Variants in CSMD3 observed in about 807,000 individuals in gnomAD.
CSMD3 encodes the protein CUB and sushi domain-containing protein 3.
Under a neutral mutation model 435.2 loss-of-function variants are expected in CSMD3, and 177 were observed. The observed-to-expected ratio is 0.41, with a 90% CI of 0.36 to 0.46. The LOEUF is 0.46. CSMD3 is among the 20% of genes least tolerant of loss of function. CSMD3 has a pLI of 0.34. For synonymous variants in CSMD3, 1,656 were observed against 1,520.5 expected (o/e 1.09, Z -2.07); for missense variants, 4,265 against 4,504.6 (o/e 0.95, Z 1.52).
intron 12 of CSMD3, among the ~76,000 whole-genome samples, chr8:112,811,425 A>G (rs1395077624): frequency 2.0e-5 from 3 of 152,066 alleles, no homozygotes; most frequent in Non-Finnish European, 2.9e-5. Context: ...TACAAGTTTT[A>G]CATTCTAAGA....
At chr8:113,168,484 G>A (rs2092199750) in intron 4 of CSMD3, among the ~76,000 whole-genome samples, 1 of 115,392 alleles carries the variant, frequency 8.7e-6, no homozygotes, top group South Asian at 3.0e-4. Flanking sequence ...TCGTGCCACT[G>A]CACTCCAGCC....
At chr8:113,394,358 T>C (rs1038544052) in intron 1 of CSMD3, among the ~76,000 whole-genome samples, 1 of 152,124 alleles carries the variant, frequency 6.6e-6, no homozygotes, top group African/African-American at 2.4e-5. Flanking sequence ...TTCATAGAAA[T>C]TCTTTTTTAC....
chr8:112,463,940 T>C (rs911962359), intron 32 of CSMD3, among the ~76,000 whole-genome samples: 2 of 152,110 alleles, frequency 1.3e-5, no homozygotes, highest in East Asian at 1.9e-4. Flanking sequence ...TAAAACCCTA[T>C]AAAATGCCTT....
In CSMD3 at chr8:112,457,503, T is replaced by C. The variant is rs1015801510; in HGVS notation, c.5395+15088A>G. On this transcript the variant is annotated intron_variant, in intron 32 of 70. Transcript: ENST00000297405. The stretch of plus-strand genomic sequence containing the variant: ...TCAGTTAATTCTACGGAGAAATGTC[T>C]TTTAAAGCTCTTATATGAAATGATA... Among the ~76,000 whole-genome samples the C allele has an allele frequency of 6.6e-5, 10 of 152,252 alleles. No homozygotes were observed. In the East Asian group the frequency reaches 1.2e-3, roughly 18 times the overall value.
chr8:113,091,215 T>A (rs1401929189), intron 5 of CSMD3, among the ~76,000 whole-genome samples: 2 of 152,008 alleles, frequency 1.3e-5, no homozygotes, highest in Non-Finnish European at 1.5e-5. Context: ...AGTGTCAAAG[T>A]TGTAGGGGCT....
chr8:113,118,044 G>A (rs772922522), intron 4 of CSMD3, among the ~76,000 whole-genome samples: 21 of 152,064 alleles, frequency 1.4e-4, no homozygotes, highest in Non-Finnish European at 1.8e-4. Flanking sequence ...TTGTAGCTTC[G>A]TCCCCAAGTT....
chr8:112,412,219 T>C (rs908720571), intron 32 of CSMD3, among the ~76,000 whole-genome samples: 3 of 152,114 alleles, frequency 2.0e-5, no homozygotes, highest in Admixed American at 6.6e-5. Flanking sequence ...AGAGTCATAA[T>C]TATGCTCTTT....
intron 13 of CSMD3, among the ~76,000 whole-genome samples, chr8:112,710,050 A>G (rs1238922362): frequency 1.3e-5 from 2 of 152,146 alleles, no homozygotes; most frequent in East Asian, 3.9e-4. Flanking sequence ...ACCATCTAGG[A>G]AGACAGCACT....
intron 13 of CSMD3, among the ~76,000 whole-genome samples, chr8:112,754,862 C>T (rs1212273207): frequency 1.3e-5 from 2 of 152,176 alleles, no homozygotes; most frequent in African/African-American, 4.8e-5. Context: ...GAAATTGATA[C>T]TGAACTCTAT....
intron 13 of CSMD3, among the ~76,000 whole-genome samples, chr8:112,797,343 C>CT (rs1465096953): frequency 6.6e-6 from 1 of 151,796 alleles, no homozygotes; most frequent in Non-Finnish European, 1.5e-5. Flanking sequence ...AGCTTTTAAT[C>CT]TTTTTTCTAT....
At chr8:113,112,146 G>A (rs537305704) in intron 4 of CSMD3, among the ~76,000 whole-genome samples, 23 of 151,178 alleles carry the variant, frequency 1.5e-4, no homozygotes, top group Admixed American at 8.6e-4. Context: ...ACATTTTTTC[G>A]CTCAGCTGGA....
intron 2 of CSMD3, among the ~76,000 whole-genome samples, chr8:113,300,807 T>C (rs1267788393): frequency 6.6e-6 from 1 of 152,058 alleles, no homozygotes; most frequent in Non-Finnish European, 1.5e-5. Flanking sequence ...ACCCATGTAA[T>C]GACCCTGCAC....
chr8:113,149,744 T>A (rs779026436), intron 4 of CSMD3, among the ~76,000 whole-genome samples: 12 of 152,008 alleles, frequency 7.9e-5, no homozygotes, highest in Non-Finnish European at 1.6e-4. Flanking sequence ...TGGTAATAAC[T>A]TGAGTTTTCA....
intron 22 of CSMD3, among the ~76,000 whole-genome samples, chr8:112,612,573 G>T (rs1364898393): frequency 2.0e-5 from 3 of 152,026 alleles, no homozygotes; most frequent in Admixed American, 6.6e-5. Flanking sequence ...TTCTAAAGTA[G>T]ATAAGCTGTG....
chr8:112,627,574 T>C (rs1475691737), intron 22 of CSMD3, among the ~76,000 whole-genome samples: 2 of 152,178 alleles, frequency 1.3e-5, no homozygotes, highest in Non-Finnish European at 2.9e-5. Flanking sequence ...CAATTAGCAG[T>C]CAAATTTTGG....
intron 6 of CSMD3, among the ~76,000 whole-genome samples, chr8:112,977,335 T>A: frequency 6.6e-6 from 1 of 152,218 alleles, no homozygotes; most frequent in South Asian, 2.1e-4. Context: ...TTTTATACAC[T>A]TTTCTTCGCA....
At chr8:112,303,234 A>G (rs1821101951) in intron 52 of CSMD3, among the ~76,000 whole-genome samples, 1 of 152,128 alleles carries the variant, frequency 6.6e-6, no homozygotes, top group Admixed American at 6.6e-5. Context: ...AAATCCTGGG[A>G]AAAAAACTTG....
At chr8:112,412,770 A>G (rs1043984139) in intron 32 of CSMD3, among the ~76,000 whole-genome samples, 1 of 152,086 alleles carries the variant, frequency 6.6e-6, no homozygotes, top group Non-Finnish European at 1.5e-5. Flanking sequence ...AGTTGATTCT[A>G]TGATGTGCCA....
intron 31 of CSMD3, among the ~76,000 whole-genome samples, chr8:112,491,574 C>A (rs551507174): frequency 6.6e-6 from 1 of 151,982 alleles, no homozygotes; most frequent in African/African-American, 2.4e-5. Context: ...CACTTGATTG[C>A]GGGAGGTGGA....
Sources: gnomAD v4.1 joint callset for allele counts (sites outside exome capture counted in the v4.1 genomes callset) on GRCh38, gnomAD v4.1.1 for gene constraint, MANE v1.5 for transcripts, NCBI Gene and HGNC (gene_info 2026-07-23, HGNC 2026-07-21) for gene names.